ANKFN1: variants seen among roughly 807,000 people sequenced by gnomAD.
ANKFN1 encodes the protein ankyrin repeat and fibronectin type-III domain-containing protein 1.
ANKFN1 carries 74 observed loss-of-function variants against 108.7 expected under a neutral mutation model. The observed-to-expected ratio is 0.68, with a 90% CI of 0.56 to 0.83. The LOEUF (loss-of-function observed/expected upper bound fraction) is 0.83, where lower values mean the gene tolerates loss of function less well. ANKFN1 is among the 40% of genes least tolerant of loss of function. ANKFN1 has a pLI of 0.00. For missense variants in ANKFN1, 1,505 were observed against 1,382.3 expected (o/e 1.09, Z -1.41); for synonymous variants, 547 against 516.2 (o/e 1.06, Z -0.81).
chr17:56,318,113 G>A (rs2045260081), intron 3 of ANKFN1, among the ~76,000 whole-genome samples: 1 of 152,122 alleles, frequency 6.6e-6, no homozygotes, highest in South Asian at 2.1e-4. Flanking sequence ...CCTTGTAACT[G>A]CCTTTTTTTA....
chr17:56,188,330 T>C (rs577873208), intron 1 of ANKFN1, among the ~76,000 whole-genome samples: 115 of 151,834 alleles, frequency 7.6e-4, no homozygotes, highest in Admixed American at 1.4e-3. Context: ...TCATTGATTT[T>C]GAAAAAGGCA....
Position 56,372,855 on chromosome 17 carries a change from A to G in ANKFN1, c.796+15A>G. 6.2e-7 allele frequency: 1 copy of G among 1,603,934 alleles called. No individual in the cohort carries two copies. The highest frequency in any genetic ancestry group is 8.5e-7 in the Non-Finnish European group (1 of 1,176,686). On this transcript the variant is annotated intron_variant, in intron 7 of 20. Transcript: ENST00000682825. ...TGAGCATGCCAGTGAGTATAAGCAG[A>G]AAATGTCTACATTTCACTAGACTGA...
chr17:56,201,273 G>A (rs1348469507), intron 1 of ANKFN1, among the ~76,000 whole-genome samples: 4 of 152,012 alleles, frequency 2.6e-5, no homozygotes, highest in South Asian at 2.1e-4. Flanking sequence ...CCTTTACATC[G>A]CTGTTCTTCT....
intron 8 of ANKFN1, among the ~76,000 whole-genome samples, chr17:56,432,907 C>A (rs1405626156): frequency 6.6e-6 from 1 of 152,090 alleles, no homozygotes; most frequent in African/African-American, 2.4e-5. Flanking sequence ...ATCCACCTTC[C>A]AAAATCTGCT....
chr17:56,068,679 G>A (rs765174592), intron 4 of ANKFN1, among the ~76,000 whole-genome samples: 15 of 152,126 alleles, frequency 9.9e-5, no homozygotes, highest in South Asian at 2.1e-4. Context: ...TAGCAGCACC[G>A]TTTACATTGC....
chr17:56,457,462 G>T, intron 13 of ANKFN1, 73 bp downstream of exon 13: 1 of 1,443,798 alleles, frequency 6.9e-7, no homozygotes, highest in Non-Finnish European at 9.3e-7. Context: ...TGAAACATTA[G>T]TTGAGGGGTC....
intron 4 of ANKFN1, among the ~76,000 whole-genome samples, chr17:56,054,070 A>G (rs1245599835): frequency 6.6e-6 from 1 of 152,166 alleles, no homozygotes; most frequent in Non-Finnish European, 1.5e-5. Flanking sequence ...TCAACAAAAA[A>G]TAGATGTTGG....
chr17:56,181,576 C>A (rs1911679405), intron 1 of ANKFN1, among the ~76,000 whole-genome samples: 1 of 152,182 alleles, frequency 6.6e-6, no homozygotes, highest in Non-Finnish European at 1.5e-5. Flanking sequence ...GGATGAATTT[C>A]CAATCATCCA....
At chr17:56,363,990 A>G (rs936528056) in intron 6 of ANKFN1, among the ~76,000 whole-genome samples, 1 of 152,174 alleles carries the variant, frequency 6.6e-6, no homozygotes, top group Non-Finnish European at 1.5e-5. Flanking sequence ...AGGAGAAATA[A>G]TTGGTTTTAT....
At chr17:56,134,015 A>G (rs1907448480) in intron 4 of ANKFN1, among the ~76,000 whole-genome samples, 1 of 152,144 alleles carries the variant, frequency 6.6e-6, no homozygotes, top group Admixed American at 6.6e-5. Context: ...AAGTAGTAGG[A>G]TGTTACCTAT....
At chr17:56,263,559 G>A (rs1346262399) in intron 3 of ANKFN1, among the ~76,000 whole-genome samples, 1 of 152,206 alleles carries the variant, frequency 6.6e-6, no homozygotes, top group Non-Finnish European at 1.5e-5. Flanking sequence ...AAGAAGATAT[G>A]TGGGCTTTCT....
intron 4 of ANKFN1, among the ~76,000 whole-genome samples, chr17:56,326,812 A>G (rs570736183): frequency 1.0e-3 from 154 of 152,258 alleles, no homozygotes; most frequent in African/African-American, 3.5e-3. Context: ...TACTGTCTTT[A>G]ATCCAATTTT....
At chr17:56,072,900 C>A (rs1246974050) in intron 4 of ANKFN1, among the ~76,000 whole-genome samples, 1 of 152,214 alleles carries the variant, frequency 6.6e-6, no homozygotes. Flanking sequence ...CCAAATGTAT[C>A]CTGGCCAGGA....
At chr17:56,357,254 T>C (rs912350178) in intron 6 of ANKFN1, among the ~76,000 whole-genome samples, 6 of 152,242 alleles carry the variant, frequency 3.9e-5, no homozygotes, top group Non-Finnish European at 8.8e-5. Context: ...GTTGTGTACC[T>C]ATGAAGTCTC....
At chr17:56,333,735 A>C (rs535761382) in intron 4 of ANKFN1, among the ~76,000 whole-genome samples, 1 of 152,268 alleles carries the variant, frequency 6.6e-6, no homozygotes, top group African/African-American at 2.4e-5. Flanking sequence ...TCGAATTGGT[A>C]TCATTCCTTA....
At chr17:56,122,354 A>G (rs560642876) in intron 4 of ANKFN1, among the ~76,000 whole-genome samples, 84 of 152,318 alleles carry the variant, frequency 5.5e-4, no homozygotes, top group African/African-American at 1.9e-3. Flanking sequence ...AAAAGGAAGG[A>G]AACGTGCCTG....
chr17:56,114,022 A>G (rs1598101930), intron 4 of ANKFN1, among the ~76,000 whole-genome samples: 1 of 152,296 alleles, frequency 6.6e-6, no homozygotes, highest in East Asian at 1.9e-4. Flanking sequence ...TGAGAAACCA[A>G]GACTCAGAGA....
chr17:56,244,203 G>A (rs1244355799), intron 3 of ANKFN1, among the ~76,000 whole-genome samples: 1 of 152,066 alleles, frequency 6.6e-6, no homozygotes, highest in African/African-American at 2.4e-5. Context: ...TCAAAAATAT[G>A]TATCAACATG....
At chr17:56,187,000 A>G (rs1950366054) in intron 1 of ANKFN1, among the ~76,000 whole-genome samples, 1 of 152,220 alleles carries the variant, frequency 6.6e-6, no homozygotes, top group African/African-American at 2.4e-5. Context: ...AAACCTAGGC[A>G]GTACCATTCA....
Sources: allele counts gnomAD v4.1 joint callset (sites outside exome capture counted in the v4.1 genomes callset), GRCh38; gene constraint gnomAD v4.1.1; transcripts MANE v1.5; gene names NCBI Gene and HGNC (gene_info 2026-07-23, HGNC 2026-07-21).